The following CCDC88A variants were observed in gnomAD, a reference collection of about 807,000 sequenced individuals.
CCDC88A encodes coiled-coil and HOOK domain protein 88A, also known as girdin.
In CCDC88A, 54 loss-of-function variants were observed where a neutral mutation model predicts 234.3. That is an observed-to-expected ratio of 0.23 (90% CI 0.19 to 0.29). The LOEUF is 0.29. Among genes scored for constraint, CCDC88A ranks in the 10% least tolerant of loss-of-function variants. The pLI is 1.00. For missense variants in CCDC88A, 1,832 were observed against 2,123.4 expected (o/e 0.86, Z 2.70); for synonymous variants, 753 against 737.8 (o/e 1.02, Z -0.33).
intron 3 of CCDC88A, among the ~76,000 whole-genome samples, chr2:55,385,558 A>C (rs2104877195): frequency 6.6e-6 from 1 of 152,316 alleles, no homozygotes; most frequent in Non-Finnish European, 1.5e-5. Flanking sequence ...CTTTGAAAGA[A>C]AAAAGACAGT....
At chr2:55,372,598 C>A in intron 4 of CCDC88A, 88 bp from the exon 5 acceptor site, 1 of 652,680 alleles carries the variant, frequency 1.5e-6, no homozygotes. Context: ...GGTAATTATG[C>A]ACAGTAACTT....
In CCDC88A at chr2:55,302,140, T is replaced by C. The variant is rs1680971578; in HGVS notation, c.4472-68A>G. 5.6e-6 allele frequency: 7 copies of C among 1,259,516 alleles called. 1 individual carries two copies. In the South Asian group the frequency reaches 6.3e-5, roughly 11 times the overall value. The allele number at this position is 1,259,516 out of a possible 1,614,324, so 78.0% of individuals were successfully genotyped here. A position where few individuals can be genotyped will look rare whatever the true frequency, so the allele number is the denominator to read the frequency against. On this transcript the variant is annotated intron_variant, in intron 26 of 32. Coordinates refer to ENST00000436346, the MANE Select transcript of CCDC88A (RefSeq NM_001365480.1). ...ATTTGTTCTTATTTCTATTTTGTAG[T>C]ACAAATACTGTGGTTTTTGTCTATG... is the stretch of plus-strand genomic sequence containing the variant.
At chr2:55,359,684 A>T (rs1018157174) in intron 7 of CCDC88A, among the ~76,000 whole-genome samples, 1 of 151,314 alleles carries the variant, frequency 6.6e-6, no homozygotes, top group African/African-American at 2.4e-5. Flanking sequence ...CACTTTCAAA[A>T]TTTTATTATA....
At chr2:55,418,663 T>A in intron 2 of CCDC88A, 153 bp downstream of exon 2, 1 of 639,882 alleles carries the variant, frequency 1.6e-6, no homozygotes, top group Non-Finnish European at 2.8e-6. Flanking sequence ...GCTGAGCCCA[T>A]AACATTAGCA....
intron 16 of CCDC88A, among the ~76,000 whole-genome samples, chr2:55,331,055 G>A (rs1368060248): frequency 1.3e-5 from 2 of 152,166 alleles, no homozygotes; most frequent in African/African-American, 4.8e-5. Context: ...GGGAAGAGGA[G>A]GCAAACTGTA....
intron 2 of CCDC88A, among the ~76,000 whole-genome samples, chr2:55,413,437 A>G (rs1278276819): frequency 2.0e-5 from 3 of 152,182 alleles, no homozygotes; most frequent in Non-Finnish European, 4.4e-5. Flanking sequence ...AAATGTAGGA[A>G]CTGTAATTTG....
chr2:55,347,900 C>CCAT (rs1669372762), intron 9 of CCDC88A, among the ~76,000 whole-genome samples: 1 of 151,904 alleles, frequency 6.6e-6, no homozygotes, highest in Non-Finnish European at 1.5e-5. Context: ...GTATAAGCCA[C>CCAT]CATGCCCAAC....
Position 55,328,558 on chromosome 2 carries a change from G to A in CCDC88A, c.2856-123C>T. 1.6e-6 allele frequency: 1 copy of A among 612,136 alleles called. No homozygotes were observed. Among genetic ancestry groups the A allele is most frequent in the Admixed American group, 4.0e-5 (1 of 24,986 alleles). 37.9% of individuals were successfully genotyped at this position (612,136 alleles called of 1,614,324 possible). A position where few individuals can be genotyped will look rare whatever the true frequency, so the allele number is the denominator to read the frequency against. On this transcript the variant is annotated intron_variant, in intron 16 of 32. Coordinates refer to ENST00000436346, the MANE Select transcript of CCDC88A (RefSeq NM_001365480.1). The surrounding 1 kb of genome is among the most constrained non-coding windows in gnomAD (Gnocchi z 4.3). ...TTATAAAAGCATTTTTGTTAAAGAG[G>A]CAAATGAAATTATCCTCTTCTTACT...
At chr2:55,398,903 A>G (rs1035038054) in intron 2 of CCDC88A, among the ~76,000 whole-genome samples, 2 of 152,020 alleles carry the variant, frequency 1.3e-5, no homozygotes, top group Admixed American at 6.6e-5. Flanking sequence ...CCTAAGCTCC[A>G]CCTCCATGAA....
chr2:55,311,938 T>C (rs1213834065), intron 23 of CCDC88A, among the ~76,000 whole-genome samples: 1 of 152,186 alleles, frequency 6.6e-6, no homozygotes, highest in African/African-American at 2.4e-5. Flanking sequence ...CCTCCTTTCC[T>C]CAATTTTGCT....
intron 27 of CCDC88A, 113 bp from the exon 28 acceptor site, chr2:55,301,390 G>A: frequency 1.8e-6 from 1 of 562,232 alleles, no homozygotes; most frequent in Non-Finnish European, 3.0e-6. Flanking sequence ...AATACAGATT[G>A]ACTTAACATA....
intron 13 of CCDC88A, chr2:55,339,215 T>TC (rs1261967473): frequency 5.9e-6 from 2 of 340,794 alleles, no homozygotes; most frequent in Non-Finnish European, 1.0e-5. Flanking sequence ...TGCCTTGGCC[T>TC]CCCAAAGTGC....
chr2:55,339,390 AAAAT>A, intron 13 of CCDC88A, 70 bp downstream of exon 13: 1 of 1,215,976 alleles, frequency 8.2e-7, no homozygotes, highest in South Asian at 1.6e-5. Flanking sequence ...TAAAAAGTGG[AAAAT>A]AAATGGGCTA....
rs1679318155 is a variant in CCDC88A, at chr2:55,289,777, G to GAA, written c.*1422_*1423insTT. 6.6e-4 allele frequency: 2 copies of GAA among 3,038 alleles called. No individual in the cohort carries two copies. Among genetic ancestry groups the GAA allele is most frequent in the Admixed American group, 0.024 (1 of 42 alleles). 0.2% of individuals were successfully genotyped at this position (3,038 alleles called of 1,614,324 possible). A position where few individuals can be genotyped will look rare whatever the true frequency, so the allele number is the denominator to read the frequency against. ...AGAGAGAGAAAGAGGGAGAGAGAAA[G>GAA]AGAGAGAGAGAGAGAGAGAGAGAGA... On this transcript the variant is annotated 3_prime_UTR_variant, in exon 33 of 33. Coordinates refer to ENST00000436346, the MANE Select transcript of CCDC88A (RefSeq NM_001365480.1).
chr2:55,291,521 C>T (rs1015836569), intron 32 of CCDC88A, 155 bp downstream of exon 32: 3 of 402,356 alleles, frequency 7.5e-6, no homozygotes, highest in Admixed American at 8.8e-5. Flanking sequence ...TGGCAGCCAA[C>T]TAATCTTGCT....
chr2:55,375,536 G>GT (rs113606051), intron 3 of CCDC88A, among the ~76,000 whole-genome samples: 69,995 of 133,668 alleles, frequency 0.52, 20,366 homozygotes, highest in Admixed American at 0.66. Context: ...AATATGTTGG[G>GT]TTTTTTTTTG....
chr2:55,341,140 CTTTT>C (rs562623314), intron 12 of CCDC88A, among the ~76,000 whole-genome samples: 5 of 81,354 alleles, frequency 6.1e-5, no homozygotes, highest in African/African-American at 1.4e-4. Context: ...GAATTTCTTT[CTTTT>C]TTTTTTTTTT....
intron 6 of CCDC88A, 85 bp downstream of exon 6, chr2:55,363,865 T>C: frequency 3.0e-6 from 2 of 664,042 alleles, no homozygotes; most frequent in South Asian, 2.1e-5. Context: ...GCTTATTCTA[T>C]GACTTTGAAG....
intron 25 of CCDC88A, among the ~76,000 whole-genome samples, chr2:55,307,369 T>C: frequency 6.6e-6 from 1 of 151,768 alleles, no homozygotes; most frequent in African/African-American, 2.4e-5. Flanking sequence ...ATTTTTTTTT[T>C]TTTTTTTGAG....
Sources: allele counts gnomAD v4.1 joint callset (sites outside exome capture counted in the v4.1 genomes callset), GRCh38; gene constraint gnomAD v4.1.1; non-coding constraint Gnocchi (gnomAD v3.1); transcripts MANE v1.5; gene names NCBI Gene and HGNC (gene_info 2026-07-23, HGNC 2026-07-21).